The following LINGO2 variants were observed in gnomAD, a reference collection of about 807,000 sequenced individuals.
LINGO2 encodes leucine rich repeat and Ig domain containing 2.
LINGO2 carries 14 observed loss-of-function variants against 30.6 expected under a neutral mutation model. The ratio of observed to expected loss-of-function variants is 0.46; its 90% CI spans 0.30 to 0.72. LINGO2 has a LOEUF of 0.72. Among genes scored for constraint, LINGO2 ranks in the 30% least tolerant of loss-of-function variants. The pLI, the probability that LINGO2 is intolerant of heterozygous loss-of-function variation, is 0.07. For missense variants in LINGO2, 729 were observed against 751.7 expected (o/e 0.97, Z 0.35); for synonymous variants, 317 against 288.5 (o/e 1.10, Z -1.00).
At chr9:28,627,038 G>C (rs1451349007) in intron 1 of LINGO2, among the ~76,000 whole-genome samples, 2 of 151,490 alleles carry the variant, frequency 1.3e-5, no homozygotes, top group African/African-American at 2.4e-5. Context: ...TTTTTTAACG[G>C]TTGTTTTTGA....
chr9:28,517,001 C>T (rs114697867), intron 1 of LINGO2, among the ~76,000 whole-genome samples: 1 of 152,170 alleles, frequency 6.6e-6, no homozygotes, highest in East Asian at 1.9e-4. Context: ...TGTGGCAATA[C>T]ATACAACTTG....
chr9:29,176,313 G>A, the LINGO2 span, among the ~76,000 whole-genome samples: 4 of 152,168 alleles, frequency 2.6e-5, no homozygotes, highest in African/African-American at 7.2e-5. Context: ...GGTGATCTCA[G>A]AGACAGATGT....
chr9:28,535,045 C>T lies in LINGO2; in HGVS notation c.-364-59020G>A, dbSNP rs78993021. Reference sequence around the variant, plus strand: ...TAACAATGACTTTACTATTTGACCCCGGAATTCTTCTCCGAGGAAATTACC... The same window carrying T: ...TAACAATGACTTTACTATTTGACCCTGGAATTCTTCTCCGAGGAAATTACC... On this transcript the variant is annotated intron_variant, in intron 1 of 5. Transcript: ENST00000379992. Among the ~76,000 whole-genome samples the T allele has an allele frequency of 3.6e-3, 553 of 152,102 alleles. 23 individuals are homozygous for T. The East Asian group carries it at 0.086, about 24-fold the overall frequency.
chr9:28,413,586 G>A (rs889012818), intron 2 of LINGO2, among the ~76,000 whole-genome samples: 1 of 152,112 alleles, frequency 6.6e-6, no homozygotes, highest in African/African-American at 2.4e-5. Context: ...AGAAATGGAA[G>A]AGACTCTTAC....
chr9:28,912,673 C>T, the LINGO2 span, among the ~76,000 whole-genome samples: 1 of 152,122 alleles, frequency 6.6e-6, no homozygotes, highest in Non-Finnish European at 1.5e-5. Context: ...CATCATGTGT[C>T]TTCATTAGTA....
intron 1 of LINGO2, among the ~76,000 whole-genome samples, chr9:28,576,436 T>C (rs1386362916): frequency 6.6e-6 from 1 of 152,178 alleles, no homozygotes; most frequent in Non-Finnish European, 1.5e-5. Flanking sequence ...TTCAAGCGCA[T>C]AACATAAATA....
intron 3 of LINGO2, among the ~76,000 whole-genome samples, chr9:28,353,578 T>C (rs1011387738): frequency 1.6e-4 from 24 of 150,852 alleles, no homozygotes; most frequent in Non-Finnish European, 3.3e-4. Flanking sequence ...GTTCAACCAT[T>C]GTGGAAGTCA....
At chr9:28,429,333 T>A (rs915410046) in intron 2 of LINGO2, among the ~76,000 whole-genome samples, 36 of 152,318 alleles carry the variant, frequency 2.4e-4, no homozygotes, top group African/African-American at 8.7e-4. Context: ...AAAATAGTGA[T>A]AGGGTAATAA....
intron 1 of LINGO2, among the ~76,000 whole-genome samples, chr9:28,594,630 C>T (rs2135719471): frequency 6.6e-6 from 1 of 152,192 alleles, no homozygotes; most frequent in Middle Eastern, 3.4e-3. Context: ...ATAAGGCGCA[C>T]TATTTCACAA....
At chr9:28,929,156 A>G in the LINGO2 span, among the ~76,000 whole-genome samples, 1 of 152,138 alleles carries the variant, frequency 6.6e-6, no homozygotes, top group Non-Finnish European at 1.5e-5. Flanking sequence ...TCTCTCTCAC[A>G]TGACTTTTAG....
chr9:29,102,763 G>A, the LINGO2 span, among the ~76,000 whole-genome samples: 24 of 152,022 alleles, frequency 1.6e-4, no homozygotes, highest in Non-Finnish European at 3.1e-4. Flanking sequence ...TTTTCTCAGT[G>A]TATATTAAAA....
At chr9:28,354,564 A>T (rs1371117841) in intron 3 of LINGO2, among the ~76,000 whole-genome samples, 2 of 152,218 alleles carry the variant, frequency 1.3e-5, no homozygotes, top group East Asian at 3.8e-4. Context: ...TTCAAAATTC[A>T]TGCTCAAGAA....
At chr9:28,425,299 C>A (rs1280665939) in intron 2 of LINGO2, among the ~76,000 whole-genome samples, 1 of 144,384 alleles carries the variant, frequency 6.9e-6, no homozygotes, top group Non-Finnish European at 1.5e-5. Context: ...TGTATATATA[C>A]ATGTGTATAC....
the LINGO2 span, among the ~76,000 whole-genome samples, chr9:28,878,076 T>C: frequency 6.6e-6 from 1 of 152,012 alleles, no homozygotes; most frequent in African/African-American, 2.4e-5. Context: ...ATCAACAAAA[T>C]TGATAGACCA....
chr9:28,041,243 G>A (rs887088413), intron 4 of LINGO2, among the ~76,000 whole-genome samples: 1 of 152,164 alleles, frequency 6.6e-6, no homozygotes, highest in East Asian at 1.9e-4. Flanking sequence ...GGTCAGCACA[G>A]GTTCATACAA....
At chr9:28,847,612 G>A in the LINGO2 span, among the ~76,000 whole-genome samples, 1 of 145,712 alleles carries the variant, frequency 6.9e-6, no homozygotes, top group Non-Finnish European at 1.5e-5. Flanking sequence ...GTCAAGACTA[G>A]AAAATTAAAT....
intron 3 of LINGO2, among the ~76,000 whole-genome samples, chr9:28,334,410 A>G (rs1825522327): frequency 6.6e-6 from 1 of 152,154 alleles, no homozygotes; most frequent in Non-Finnish European, 1.5e-5. Context: ...GAATTCCACT[A>G]GAAAAATATC....
chr9:28,381,072 T>TA (rs1198193930), intron 2 of LINGO2, among the ~76,000 whole-genome samples: 2 of 151,968 alleles, frequency 1.3e-5, no homozygotes, highest in Non-Finnish European at 2.9e-5. Flanking sequence ...CATTGGTTGG[T>TA]AAAAAGTGGT....
intron 2 of LINGO2, among the ~76,000 whole-genome samples, chr9:28,418,761 T>G (rs779148216): frequency 6.6e-6 from 1 of 152,228 alleles, no homozygotes; most frequent in South Asian, 2.1e-4. Flanking sequence ...ATAAGGGAAC[T>G]TTCTTGATTA....
Sources: allele counts gnomAD v4.1 joint callset (sites outside exome capture counted in the v4.1 genomes callset), GRCh38; gene constraint gnomAD v4.1.1; transcripts MANE v1.5; gene names NCBI Gene and HGNC (gene_info 2026-07-23, HGNC 2026-07-21).